DCLK2: variants seen among roughly 807,000 people sequenced by gnomAD.
DCLK2 encodes the protein doublecortin like kinase 2, also known as serine/threonine-protein kinase DCLK2.
DCLK2 carries 31 observed loss-of-function variants against 78.4 expected under a neutral mutation model. The ratio of observed to expected loss-of-function variants is 0.40; its 90% confidence interval spans 0.30 to 0.53. DCLK2 has a LOEUF of 0.53. Ranked by LOEUF, DCLK2 falls within the 20% of genes least tolerant of loss-of-function variation. DCLK2 has a pLI of 0.61. For synonymous variants in DCLK2, 407 were observed against 374.9 expected, an observed-to-expected ratio of 1.09 and a Z score of -0.99; for missense variants, 872 against 973.7, an observed-to-expected ratio of 0.90 and a Z score of 1.39.
At chr4:150,229,109 G>A (rs983377349) in intron 8 of DCLK2, among the ~76,000 whole-genome samples, 5 of 152,162 alleles carry the variant, frequency 3.3e-5, no homozygotes. Context: ...GGAGGCTGAG[G>A]TGGGAGGATT....
In DCLK2 at chr4:150,203,926, TG is replaced by T. The variant is rs775430008; in HGVS notation, c.1056+38del. 18 of 1,563,624 alleles carry T rather than the reference TG, an allele frequency of 1.2e-5. No homozygotes were observed. The East Asian group carries it at 3.4e-4, about 29-fold the overall frequency. On this transcript the variant is annotated intron_variant, in intron 5 of 15. Coordinates refer to ENST00000296550, the MANE Select transcript of DCLK2 (RefSeq NM_001040260.4). ...GATATGTGGCATATTTGTGTGATTT[TG>T]TTATTTAGAGTTTCATAGTTTAGCA...
chr4:150,250,400 C>T (rs1393305541), intron 15 of DCLK2, among the ~76,000 whole-genome samples: 1 of 152,092 alleles, frequency 6.6e-6, no homozygotes, highest in East Asian at 1.9e-4. Flanking sequence ...AGCACACCCG[C>T]AGCAGCTGTC....
intron 2 of DCLK2, among the ~76,000 whole-genome samples, chr4:150,104,097 GA>G (rs573816706): frequency 1.4e-3 from 219 of 151,192 alleles, no homozygotes; most frequent in Middle Eastern, 6.8e-3. Flanking sequence ...CCTAACCAAA[GA>G]AAAAAATCTA....
chr4:150,172,249 C>T (rs1736587419), intron 2 of DCLK2, among the ~76,000 whole-genome samples: 1 of 152,034 alleles, frequency 6.6e-6, no homozygotes, highest in Non-Finnish European at 1.5e-5. Context: ...TTTAAATTTT[C>T]TTTGTGCCCA....
At chr4:150,204,320 G>A (rs1159665592) in intron 5 of DCLK2, among the ~76,000 whole-genome samples, 3 of 152,104 alleles carry the variant, frequency 2.0e-5, no homozygotes, top group African/African-American at 7.2e-5. Context: ...TGAAATACTA[G>A]CATAATGTTT....
intron 2 of DCLK2, among the ~76,000 whole-genome samples, chr4:150,169,636 A>G (rs1250907905): frequency 1.3e-5 from 2 of 150,252 alleles, no homozygotes; most frequent in Non-Finnish European, 2.9e-5. Context: ...CAGCTGGGTG[A>G]CAAGAGTGAA....
intron 7 of DCLK2, among the ~76,000 whole-genome samples, chr4:150,222,486 C>A (rs1741258842): frequency 6.6e-6 from 1 of 152,132 alleles, no homozygotes; most frequent in African/African-American, 2.4e-5. Context: ...AATCCTCCCT[C>A]TCAGTTAATA....
chr4:150,199,868 C>T (rs187769724), intron 4 of DCLK2, among the ~76,000 whole-genome samples: 200 of 152,226 alleles, frequency 1.3e-3, no homozygotes, highest in Middle Eastern at 6.8e-3. Flanking sequence ...TAGCTGGGCA[C>T]GGAGGTACCA....
rs1744576102 is a variant in DCLK2 at position 150,256,424 on chromosome 4, T to C, written c.*177T>C. The stretch of plus-strand genomic sequence containing the variant: ...GGCGTGCCGGAGCCTGGCCTGGTGC[T>C]CTGGGCTCTGCCTTCTGGTTCCTGG... On this transcript the variant is annotated 3_prime_UTR_variant, in exon 16 of 16. Coordinates refer to ENST00000296550, the MANE Select transcript of DCLK2 (RefSeq NM_001040260.4). 3 of 808,240 alleles carry C rather than the reference T, an allele frequency of 3.7e-6. No individual in the cohort carries two copies. In the Admixed American group the frequency reaches 9.3e-5, roughly 25 times the overall value. The allele number at this position is 808,240 out of a possible 1,614,324, so 50.1% of individuals were successfully genotyped here.
chr4:150,226,953 A>G (rs77394354), intron 8 of DCLK2, among the ~76,000 whole-genome samples: 220 of 152,372 alleles, frequency 1.4e-3, no homozygotes, highest in African/African-American at 5.2e-3. Context: ...CAGAAAATTA[A>G]TAATGCTGAA....
chr4:150,229,814 A>G (rs933733585), intron 8 of DCLK2, among the ~76,000 whole-genome samples: 2 of 152,152 alleles, frequency 1.3e-5, no homozygotes, highest in Non-Finnish European at 2.9e-5. Context: ...TAACATATAT[A>G]ATGGTAGATA....
chr4:150,149,046 A>C (rs1734692397), intron 2 of DCLK2, among the ~76,000 whole-genome samples: 1 of 151,322 alleles, frequency 6.6e-6, no homozygotes, highest in South Asian at 2.1e-4. Flanking sequence ...TCAAAAAAAA[A>C]AAAAAAAAAA....
chr4:150,132,268 G>A (rs1433952919), intron 2 of DCLK2, among the ~76,000 whole-genome samples: 1 of 152,226 alleles, frequency 6.6e-6, no homozygotes, highest in Non-Finnish European at 1.5e-5. Context: ...GTCATTCTCA[G>A]AGGAGTAGTT....
intron 2 of DCLK2, among the ~76,000 whole-genome samples, chr4:150,184,335 T>C (rs1355718949): frequency 6.6e-6 from 1 of 152,216 alleles, no homozygotes; most frequent in Non-Finnish European, 1.5e-5. Context: ...CCACTTAAAA[T>C]AGTGTTTCTT....
chr4:150,181,920 A>G (rs1383992626), intron 2 of DCLK2, among the ~76,000 whole-genome samples: 5 of 152,152 alleles, frequency 3.3e-5, no homozygotes, highest in Admixed American at 2.6e-4. Flanking sequence ...AAATGGGGAG[A>G]ATCCCAGCCT....
intron 2 of DCLK2, among the ~76,000 whole-genome samples, chr4:150,143,710 C>A (rs1003464474): frequency 1.3e-5 from 2 of 152,088 alleles, no homozygotes; most frequent in African/African-American, 4.8e-5. Flanking sequence ...GCATCCATGC[C>A]AACATCTGTT....
At chr4:150,084,152 A>C (rs1412948969) in intron 1 of DCLK2, among the ~76,000 whole-genome samples, 1 of 152,168 alleles carries the variant, frequency 6.6e-6, no homozygotes, top group Non-Finnish European at 1.5e-5. Context: ...CTTCTATTAT[A>C]ACACTTAGCT....
intron 1 of DCLK2, among the ~76,000 whole-genome samples, chr4:150,097,729 A>C (rs1219110893): frequency 6.6e-6 from 1 of 152,188 alleles, no homozygotes; most frequent in African/African-American, 2.4e-5. Flanking sequence ...CATGCCTGAA[A>C]ACAGTTAAGT....
chr4:150,085,310 T>C (rs1042672738), intron 1 of DCLK2, among the ~76,000 whole-genome samples: 11 of 152,218 alleles, frequency 7.2e-5, no homozygotes, highest in Admixed American at 7.2e-4. Flanking sequence ...AGGTAAGTTA[T>C]AAAGAAAATT....
Sources: gnomAD v4.1 joint callset for allele counts (sites outside exome capture counted in the v4.1 genomes callset) on GRCh38, gnomAD v4.1.1 for gene constraint, MANE v1.5 for transcripts, NCBI Gene and HGNC (gene_info 2026-07-23, HGNC 2026-07-21) for gene names.